The following RAMP1 variants were observed in gnomAD, a reference collection of about 807,000 sequenced individuals.
RAMP1 encodes the protein receptor activity modifying protein 1.
In RAMP1, 7 loss-of-function variants were observed where a neutral mutation model predicts 8.2. The ratio of observed to expected loss-of-function variants is 0.85; its 90% CI spans 0.49 to 1.60. RAMP1 has a LOEUF of 1.60. RAMP1 is among the 40% of genes most tolerant of loss of function. RAMP1 has a pLI of 0.00. For synonymous variants in RAMP1, 92 were observed against 84.7 expected, an observed-to-expected ratio of 1.09 and a Z score of -0.47; for missense variants, 192 against 202.4, an observed-to-expected ratio of 0.95 and a Z score of 0.31.
chr2:237,883,410 G>A (rs1422677294), intron 2 of RAMP1, among the ~76,000 whole-genome samples: 1 of 152,220 alleles, frequency 6.6e-6, no homozygotes, highest in African/African-American at 2.4e-5. Flanking sequence ...GCTCGTGCCA[G>A]CTCCTAGTGC....
Position 237,878,024 on chromosome 2 carries a change from C to G in RAMP1, c.191+662C>G, listed in dbSNP as rs1222456917. The stretch of plus-strand genomic sequence containing the variant: ...GCTCCTCTGCCTCCAGAGCGGCGAT[C>G]AGAACTCGGCATGTCCGCAATCGAC... On this transcript the variant is annotated intron_variant, in intron 2 of 2. Transcript: ENST00000254661. This position sits in a 1 kb window ranked among gnomAD's most constrained non-coding sequence, Gnocchi z 5.7. The G allele has an allele frequency of 9.1e-6, 9 of 985,346 alleles. No homozygotes were observed. The East Asian group carries it at 7.9e-4, about 87-fold the overall frequency. 61.0% of individuals were successfully genotyped at this position (985,346 alleles called of 1,614,324 possible). A position where few individuals can be genotyped will look rare whatever the true frequency, so the allele number is the denominator to read the frequency against.
chr2:237,871,059 G>A (rs2062239502), intron 1 of RAMP1, among the ~76,000 whole-genome samples: 1 of 152,196 alleles, frequency 6.6e-6, no homozygotes, highest in African/African-American at 2.4e-5. Context: ...CGGCTGTGTG[G>A]GTGGGAGAGG....
chr2:237,877,688 G>A lies in RAMP1; in HGVS notation c.191+326G>A, dbSNP rs776881856. Among the ~76,000 whole-genome samples, 29 of 152,124 alleles carry A rather than the reference G, an allele frequency of 1.9e-4. No individual in the cohort carries two copies. The highest frequency in any genetic ancestry group is 2.9e-4 in the Non-Finnish European group (20 of 67,998). On this transcript the variant is annotated intron_variant, in intron 2 of 2. Coordinates refer to ENST00000254661, the MANE Select transcript of RAMP1 (RefSeq NM_005855.4). The surrounding 1 kb of genome is among the most constrained non-coding windows in gnomAD (Gnocchi z 4.4). ...ACTGAGAGTAGGGTCTCATGCCCAGGGTGGCCGGGTCTCTGACTGGAGCCT... is the reference window on the plus strand; with the variant it reads ...ACTGAGAGTAGGGTCTCATGCCCAGAGTGGCCGGGTCTCTGACTGGAGCCT...
At chr2:237,875,907 C>T (rs2062298321) in intron 1 of RAMP1, among the ~76,000 whole-genome samples, 2 of 152,166 alleles carry the variant, frequency 1.3e-5, no homozygotes, top group Non-Finnish European at 2.9e-5. Flanking sequence ...AGGCCATTCC[C>T]TGTACTTCCT....
chr2:237,877,139 G>A lies in RAMP1; in HGVS notation c.53-85G>A, dbSNP rs559204344. 118 of 1,583,974 alleles carry A rather than the reference G, an allele frequency of 7.4e-5. No homozygotes were observed. Among genetic ancestry groups the A allele is most frequent in the East Asian group, 1.1e-4 (5 of 44,724 alleles). On this transcript the variant is annotated intron_variant, in intron 1 of 2. Transcript: ENST00000254661. This position sits in a 1 kb window ranked among gnomAD's most constrained non-coding sequence, Gnocchi z 4.4. ...TAGAGGCCCCGTTCTCGTGGAGTCC[G>A]GGCTGCAGGGGCGCGCGGGCTGGCG...
chr2:237,859,502 G>A, upstream of RAMP1: 1 of 217,242 alleles, frequency 4.6e-6, no homozygotes, highest in South Asian at 1.7e-4. Context: ...GGGCGCCCCC[G>A]GCCCTGGCAC....
At chr2:237,875,019 A>C (rs1238542356) in intron 1 of RAMP1, among the ~76,000 whole-genome samples, 1 of 152,130 alleles carries the variant, frequency 6.6e-6, no homozygotes, top group African/African-American at 2.4e-5. Context: ...AGGAGCAGTG[A>C]GGGATAAACA....
intron 2 of RAMP1, among the ~76,000 whole-genome samples, chr2:237,897,407 T>C (rs1184655675): frequency 1.3e-5 from 2 of 152,060 alleles, no homozygotes; most frequent in Admixed American, 6.6e-5. Flanking sequence ...TCACTGCGAG[T>C]GTTGCAGGAG....
intron 2 of RAMP1, among the ~76,000 whole-genome samples, chr2:237,900,735 C>T (rs889537418): frequency 1.3e-5 from 2 of 151,530 alleles, no homozygotes; most frequent in Non-Finnish European, 2.9e-5. Context: ...TATAAATGAT[C>T]TTTCATTTCT....
chr2:237,870,858 A>T (rs979414778), intron 1 of RAMP1, among the ~76,000 whole-genome samples: 13 of 152,314 alleles, frequency 8.5e-5, no homozygotes, highest in Non-Finnish European at 1.6e-4. Context: ...AGCAACACGG[A>T]TGCAAGAGAG....
intron 2 of RAMP1, among the ~76,000 whole-genome samples, chr2:237,899,676 C>T (rs577728125): frequency 6.6e-6 from 1 of 152,332 alleles, no homozygotes; most frequent in African/African-American, 2.4e-5. Context: ...CTGTTCCGTC[C>T]GTGTGCGCAT....
chr2:237,884,543 GTTGAT>G (rs1237910458), intron 2 of RAMP1, among the ~76,000 whole-genome samples: 3 of 152,158 alleles, frequency 2.0e-5, no homozygotes, highest in African/African-American at 7.2e-5. Context: ...GAAATGCTCG[GTTGAT>G]TTAAGAGGGA....
upstream of RAMP1, chr2:237,859,574 C>G (rs2150999501): frequency 2.3e-6 from 2 of 865,386 alleles, no homozygotes; most frequent in Admixed American, 5.7e-5. Flanking sequence ...CTCCCGCGCC[C>G]GCTCCCGCCC....
intron 1 of RAMP1, among the ~76,000 whole-genome samples, chr2:237,864,470 C>G (rs1163845314): frequency 6.6e-6 from 1 of 152,154 alleles, no homozygotes; most frequent in African/African-American, 2.4e-5. Context: ...CTGGAGGAGA[C>G]AGTTGTGAGA....
At chr2:237,904,933 C>A (rs1028309392) in intron 2 of RAMP1, among the ~76,000 whole-genome samples, 36 of 152,256 alleles carry the variant, frequency 2.4e-4, no homozygotes, top group African/African-American at 6.7e-4. Flanking sequence ...TGGGGGACAA[C>A]TGCAACCCAG....
At chr2:237,873,830 A>G (rs2062271240) in intron 1 of RAMP1, among the ~76,000 whole-genome samples, 1 of 152,254 alleles carries the variant, frequency 6.6e-6, no homozygotes. Context: ...GGCTCGTTTA[A>G]GAAAAACCCA....
chr2:237,867,544 T>A (rs1278501263), intron 1 of RAMP1, among the ~76,000 whole-genome samples: 1 of 152,070 alleles, frequency 6.6e-6, no homozygotes, highest in Non-Finnish European at 1.5e-5. Context: ...TAAAGTAAGC[T>A]TTTGTCCTGT....
At chr2:237,887,391 A>G (rs1559945708) in intron 2 of RAMP1, among the ~76,000 whole-genome samples, 1 of 151,910 alleles carries the variant, frequency 6.6e-6, no homozygotes, top group Non-Finnish European at 1.5e-5. Flanking sequence ...GTTCGAGGAC[A>G]CCGAGTATCT....
At chr2:237,909,930 C>T (rs972159138) in intron 2 of RAMP1, among the ~76,000 whole-genome samples, 1 of 152,096 alleles carries the variant, frequency 6.6e-6, no homozygotes, top group Non-Finnish European at 1.5e-5. Flanking sequence ...GGGGACTCCG[C>T]GATGGCTTCT....
Sources: allele counts gnomAD v4.1 joint callset (sites outside exome capture counted in the v4.1 genomes callset), GRCh38; gene constraint gnomAD v4.1.1; non-coding constraint Gnocchi (gnomAD v3.1); transcripts MANE v1.5; gene names NCBI Gene and HGNC (gene_info 2026-07-23, HGNC 2026-07-21).